KCNQ1: variants seen among roughly 807,000 people sequenced by gnomAD.
KCNQ1 encodes the protein potassium voltage-gated channel subfamily KQT member 1.
A neutral mutation model predicts 72.4 loss-of-function variants in KCNQ1; 49 were observed. The observed-to-expected ratio is 0.68, with a 90% CI of 0.54 to 0.86. The LOEUF is 0.86. Among genes scored for constraint, KCNQ1 ranks in the 40% least tolerant of loss-of-function variants. The pLI is 0.00. For synonymous variants in KCNQ1, 450 were observed against 412.6 expected, an observed-to-expected ratio of 1.09 and a Z score of -1.10; for missense variants, 790 against 945.1, an observed-to-expected ratio of 0.84 and a Z score of 2.15.
chr11:2,684,956 A>T (rs1158218581), intron 11 of KCNQ1: 3 of 398,568 alleles, frequency 7.5e-6, no homozygotes, highest in Non-Finnish European at 8.8e-6. Flanking sequence ...GTACCTGGTA[A>T]GGAGTGAAAT....
intron 10 of KCNQ1, chr11:2,641,611 C>T (rs1164276296): frequency 2.5e-6 from 1 of 398,308 alleles, no homozygotes; most frequent in African/African-American, 2.1e-5. Flanking sequence ...GTGATTGTTT[C>T]CCTTGTTGTG....
At chr11:2,575,032 G>T (rs956780043) in intron 6 of KCNQ1, among the ~76,000 whole-genome samples, 13 of 152,182 alleles carry the variant, frequency 8.5e-5, no homozygotes, top group African/African-American at 3.1e-4. Context: ...GGGCAGTGAG[G>T]AGCTGGCGGT....
chr11:2,635,324 G>GT (rs1369478425), intron 10 of KCNQ1: 1 of 151,946 alleles, frequency 6.6e-6, no homozygotes, highest in Admixed American at 6.6e-5. Flanking sequence ...GGTCTAACAT[G>GT]TAAGTCTTTA....
rs1322861528 is a variant in KCNQ1 at position 2,695,115 on chromosome 11, G to C, written c.1514+33034G>C. 2.5e-6 allele frequency: 1 copy of C among 398,658 alleles called. No individual in the cohort carries two copies. Among genetic ancestry groups the C allele is most frequent in the Admixed American group, 4.4e-5 (1 of 22,740 alleles). 24.7% of individuals were successfully genotyped at this position (398,658 alleles called of 1,614,324 possible). A position where few individuals can be genotyped will look rare whatever the true frequency, so the allele number is the denominator to read the frequency against. Reference sequence around the variant, plus strand: ...CCACTAGAGGGTATCTGGCAGGAGAGTCATGGAGGCACATTCATTCGTTGG... The same window carrying C: ...CCACTAGAGGGTATCTGGCAGGAGACTCATGGAGGCACATTCATTCGTTGG... On this transcript the variant is annotated intron_variant, in intron 11 of 15. Coordinates refer to ENST00000155840, the MANE Select transcript of KCNQ1 (RefSeq NM_000218.3). The surrounding 1 kb of genome is among the most constrained non-coding windows in gnomAD (Gnocchi z 5.2).
At chr11:2,506,138 A>G (rs1182605215) in intron 1 of KCNQ1, among the ~76,000 whole-genome samples, 1 of 152,186 alleles carries the variant, frequency 6.6e-6, no homozygotes. Flanking sequence ...GTCGTATTCA[A>G]GAAATCATCC....
At position 2,810,066 on chromosome 11, in the gene KCNQ1, C is replaced by T. The variant is rs148811000; in HGVS notation, c.1794+32029C>T. Among the ~76,000 whole-genome samples, 579 of 152,314 alleles carry T rather than the reference C, an allele frequency of 3.8e-3. 3 individuals are homozygous for T. The highest frequency in any genetic ancestry group is 5.9e-3 in the Non-Finnish European group (400 of 68,026). On this transcript the variant is annotated intron_variant, in intron 15 of 15. Transcript: ENST00000155840. Reference sequence around the variant, plus strand: ...GTTTAAGTGGGTATAGAATTTGGAGCTGAATGTAATTTTCCTTCAGAATTT... The same window carrying T: ...GTTTAAGTGGGTATAGAATTTGGAGTTGAATGTAATTTTCCTTCAGAATTT...
rs1027124260 is a variant in KCNQ1, at chr11:2,750,272, C to A, written c.1515-18572C>A. ...GGCTGAAACAGGACGACAGAGCCCTCAGCCCAGGGCGGAGGACATGGGAGA... is the reference window on the plus strand; with the variant it reads ...GGCTGAAACAGGACGACAGAGCCCTAAGCCCAGGGCGGAGGACATGGGAGA... On this transcript the variant is annotated intron_variant, in intron 11 of 15. Coordinates refer to ENST00000155840, the MANE Select transcript of KCNQ1 (RefSeq NM_000218.3). This position sits in a 1 kb window ranked among gnomAD's most constrained non-coding sequence, Gnocchi z 6.3. 1.3e-5 allele frequency among the ~76,000 whole-genome samples: 2 copies of A among 152,200 alleles called. No homozygotes were observed. The highest frequency in any genetic ancestry group is 2.9e-5 in the Non-Finnish European group (2 of 68,040).
rs974418173 is a variant in KCNQ1, at chr11:2,723,795, C to T, written c.1515-45049C>T. ...GGTGGCCGCAGGGTTCCCAGCCACT[C>T]GGTGCACATGTACTCCAGCCTCTCT... On this transcript the variant is annotated intron_variant, in intron 11 of 15. Transcript: ENST00000155840. This position sits in a 1 kb window ranked among gnomAD's most constrained non-coding sequence, Gnocchi z 4.2. 6.6e-5 allele frequency among the ~76,000 whole-genome samples: 10 copies of T among 152,132 alleles called. No individual in the cohort carries two copies. The highest frequency in any genetic ancestry group is 2.4e-4 in the African/African-American group (10 of 41,414).
chr11:2,515,988 G>A lies in KCNQ1; in HGVS notation c.387-11940G>A, dbSNP rs79149413. 2.5e-4 allele frequency among the ~76,000 whole-genome samples: 38 copies of A among 152,104 alleles called. No homozygotes were observed. The East Asian group carries it at 6.8e-3, about 27-fold the overall frequency. On this transcript the variant is annotated intron_variant, in intron 1 of 15. Transcript: ENST00000155840. The surrounding 1 kb of genome is among the most constrained non-coding windows in gnomAD (Gnocchi z 4.7). ...AGTGACAGCCCAGACCCCAGGGGCC[G>A]GGCATCCCACAGCTCTCCTCACTGA...
chr11:2,762,860 A>C lies in KCNQ1; in HGVS notation c.1515-5984A>C, dbSNP rs1029054118. Among the ~76,000 whole-genome samples, 4 of 151,200 alleles carry C rather than the reference A, an allele frequency of 2.6e-5. No homozygotes were observed. The highest frequency in any genetic ancestry group is 9.7e-5 in the African/African-American group (4 of 41,028). ...TTCCACGAAACTGGTCCCTGGTGCC[A>C]AAAAGGTTGGGGAACCACTGCCCTA... On this transcript the variant is annotated intron_variant, in intron 11 of 15. Coordinates refer to ENST00000155840, the MANE Select transcript of KCNQ1 (RefSeq NM_000218.3). This position sits in a 1 kb window ranked among gnomAD's most constrained non-coding sequence, Gnocchi z 4.3.
chr11:2,666,160 C>T, intron 11 of KCNQ1: 1 of 398,646 alleles, frequency 2.5e-6, no homozygotes, highest in Non-Finnish European at 4.4e-6. Flanking sequence ...ATGGGCAAGC[C>T]CCAGCTCGAG....
At position 2,482,921 on chromosome 11, in the gene KCNQ1, G is replaced by A. The variant is rs950676739; in HGVS notation, c.386+37437G>A. On this transcript the variant is annotated intron_variant, in intron 1 of 15. Transcript: ENST00000155840. The surrounding 1 kb of genome is among the most constrained non-coding windows in gnomAD (Gnocchi z 5.7). Reference sequence around the variant, plus strand: ...AGTGACCTGCAAGAGAATGGAGAGAGTCATGGACCGGCATGGCGTGGTAAT... The same window carrying A: ...AGTGACCTGCAAGAGAATGGAGAGAATCATGGACCGGCATGGCGTGGTAAT... Among the ~76,000 whole-genome samples the A allele has an allele frequency of 2.4e-4, 37 of 152,192 alleles. No homozygotes were observed. The highest frequency in any genetic ancestry group is 8.9e-4 in the African/African-American group (37 of 41,450).
chr11:2,628,768 G>A (rs937879356), intron 10 of KCNQ1: 5 of 398,336 alleles, frequency 1.3e-5, no homozygotes, highest in Non-Finnish European at 2.2e-5. Flanking sequence ...CAGGTCATAT[G>A]TTTAAATCTT....
intron 6 of KCNQ1, among the ~76,000 whole-genome samples, chr11:2,580,531 C>G (rs115742073): frequency 6.6e-6 from 1 of 152,228 alleles, no homozygotes; most frequent in Admixed American, 6.5e-5. Context: ...GGGATCCCCA[C>G]GCCTGTCCCG....
chr11:2,704,985 G>C lies in KCNQ1; in HGVS notation c.1514+42904G>C, dbSNP rs1850882547. Among the ~76,000 whole-genome samples, 1 of 152,132 alleles carries C rather than the reference G, an allele frequency of 6.6e-6. No individual in the cohort carries two copies. The highest frequency in any genetic ancestry group is 2.1e-4 in the South Asian group (1 of 4,832). On this transcript the variant is annotated intron_variant, in intron 11 of 15. Transcript: ENST00000155840. This position sits in a 1 kb window ranked among gnomAD's most constrained non-coding sequence, Gnocchi z 4.3. The stretch of plus-strand genomic sequence containing the variant: ...GCACTGTCACCCTGTGGCATGGCCT[G>C]TTTGTGGTGTCCATTGCCGTCTTAG...
intron 15 of KCNQ1, among the ~76,000 whole-genome samples, chr11:2,833,454 G>A (rs1389424984): frequency 6.6e-6 from 1 of 152,194 alleles, no homozygotes; most frequent in Non-Finnish European, 1.5e-5. Flanking sequence ...CAGCCTTAGG[G>A]TGGGCACCTG....
In KCNQ1 at chr11:2,460,546, A is replaced by C. The variant is rs77423160; in HGVS notation, c.386+15062A>C. Among the ~76,000 whole-genome samples the C allele has an allele frequency of 5.2e-4, 79 of 151,464 alleles. No individual in the cohort carries two copies. The East Asian group carries it at 0.013, about 25-fold the overall frequency. On this transcript the variant is annotated intron_variant, in intron 1 of 15. Coordinates refer to ENST00000155840, the MANE Select transcript of KCNQ1 (RefSeq NM_000218.3). ...CTGTGGCTCCAAGGCCCACAGTAGA[A>C]AGGCTCCAGTCTGTGTCCATGTGTT...
intron 11 of KCNQ1, among the ~76,000 whole-genome samples, chr11:2,754,811 G>A (rs1846274540): frequency 6.6e-6 from 1 of 152,152 alleles, no homozygotes; most frequent in African/African-American, 2.4e-5. Flanking sequence ...TATTTTACAA[G>A]ACACAAAAGC....
rs761175605 is a variant in KCNQ1 at position 2,508,078 on chromosome 11, G to A, written c.387-19850G>A. Among the ~76,000 whole-genome samples the A allele has an allele frequency of 2.6e-5, 4 of 152,062 alleles. No homozygotes were observed. Among genetic ancestry groups the A allele is most frequent in the Admixed American group, 6.5e-5 (1 of 15,280 alleles). Reference sequence around the variant, plus strand: ...CCTCTCAGACACAAACACCCAGCTCGGCCCCACAGAGCTGGCCTGGGCCCC... The same window carrying A: ...CCTCTCAGACACAAACACCCAGCTCAGCCCCACAGAGCTGGCCTGGGCCCC... On this transcript the variant is annotated intron_variant, in intron 1 of 15. Transcript: ENST00000155840. This position sits in a 1 kb window ranked among gnomAD's most constrained non-coding sequence, Gnocchi z 6.2.
Sources: gnomAD v4.1 joint callset for allele counts (sites outside exome capture counted in the v4.1 genomes callset) on GRCh38, gnomAD v4.1.1 for gene constraint, Gnocchi (gnomAD v3.1) non-coding constraint, MANE v1.5 for transcripts, NCBI Gene and HGNC (gene_info 2026-07-23, HGNC 2026-07-21) for gene names.